The following RAB20 variants were observed in gnomAD, a reference collection of about 807,000 sequenced individuals.
The protein encoded by RAB20 is RAB20, member RAS oncogene family, also known as ras-related protein Rab-20.
RAB20 carries 2 observed loss-of-function variants against 3.7 expected under a neutral mutation model. The ratio of observed to expected loss-of-function variants is 0.54; its 90% CI spans 0.22 to 1.69. The LOEUF (loss-of-function observed/expected upper bound fraction) is 1.69, where lower values mean the gene tolerates loss of function less well. Among genes scored for constraint, RAB20 ranks in the 40% most tolerant of loss-of-function variants. The pLI, the probability that RAB20 is intolerant of heterozygous loss-of-function variation, is 0.19. For missense variants in RAB20, 276 were observed against 311.9 expected, an observed-to-expected ratio of 0.88 and a Z score of 0.87; for synonymous variants, 126 against 130.8, an observed-to-expected ratio of 0.96 and a Z score of 0.25.
At chr13:110,553,763 C>T (rs757556758) in intron 1 of RAB20, among the ~76,000 whole-genome samples, 4 of 152,216 alleles carry the variant, frequency 2.6e-5, no homozygotes, top group Admixed American at 6.5e-5. Flanking sequence ...AAAAACCACT[C>T]AGAAGCCTCT....
Position 110,561,539 on chromosome 13 carries a change from G to T in RAB20, c.-20C>A, listed in dbSNP as rs1243986466. 7 of 1,537,256 alleles carry T rather than the reference G, an allele frequency of 4.6e-6. 1 individual carries two copies. The South Asian group carries it at 8.6e-5, about 19-fold the overall frequency. On this transcript the variant is annotated 5_prime_UTR_variant, in exon 1 of 2. It adds an upstream start codon to the 5' untranslated region. Transcript: ENST00000267328. ...CCTCATCTTCCCGTAAGAACCCCCA[G>T]CGCCCCCGCGCCCTCTCCCCGAGGC... is the stretch of plus-strand genomic sequence containing the variant.
rs185112104 is a variant in RAB20 at position 110,534,996 on chromosome 13, G to C, written c.173-10799C>G. 2.5e-3 allele frequency among the ~76,000 whole-genome samples: 327 copies of C among 130,796 alleles called. 2 individuals carry two copies. Among genetic ancestry groups the C allele is most frequent in the African/African-American group, 9.4e-3 (309 of 32,790 alleles). The allele number at this position is 130,796 out of a possible 152,430, so 85.8% of individuals were successfully genotyped here. On this transcript the variant is annotated intron_variant, in intron 1 of 1. Coordinates refer to ENST00000267328, the MANE Select transcript of RAB20 (RefSeq NM_017817.3). ...CTACAGGTGTGTACCACCACGCCTGGCTAATTTTTTAATTTTTAGTAGAGA... is the reference window on the plus strand; with the variant it reads ...CTACAGGTGTGTACCACCACGCCTGCCTAATTTTTTAATTTTTAGTAGAGA...
Position 110,561,502 on chromosome 13 carries a change from G to T in RAB20, c.18C>A (p.Ser6Arg). The change falls in exon 1 of 2, where the codon AGC (serine) becomes AGA (arginine). Residue 6 changes from serine (S) to arginine (R), a missense_variant. Physicochemically the swap from Ser to Arg is moderately radical, Grantham distance 110. Transcript: ENST00000267328. MRKPD[S>R]KIVLLGDMNV... Reference sequence around the variant, plus strand: ...TCATGTCCCCCAGGAGCACGATCTTGCTGTCGGGCTTCCTCATCTTCCCGT... The same window carrying T: ...TCATGTCCCCCAGGAGCACGATCTTTCTGTCGGGCTTCCTCATCTTCCCGT... 1.3e-6 allele frequency: 2 copies of T among 1,583,718 alleles called. No homozygotes were observed. Among genetic ancestry groups the T allele is most frequent in the Non-Finnish European group, 1.7e-6 (2 of 1,165,392 alleles).
intron 1 of RAB20, among the ~76,000 whole-genome samples, chr13:110,537,152 T>C (rs1884661080): frequency 6.7e-6 from 1 of 149,620 alleles, no homozygotes; most frequent in African/African-American, 2.4e-5. Context: ...GGGTAATTTT[T>C]ATTTTTATTT....
intron 1 of RAB20, among the ~76,000 whole-genome samples, chr13:110,536,713 C>CAT (rs1555335600): frequency 7.4e-5 from 2 of 27,072 alleles, no homozygotes; most frequent in African/African-American, 1.5e-4. Flanking sequence ...TCTAAAATGG[C>CAT]TTTTTTTTGG....
intron 1 of RAB20, among the ~76,000 whole-genome samples, chr13:110,549,808 C>T (rs1884919920): frequency 6.6e-6 from 1 of 152,024 alleles, no homozygotes; most frequent in African/African-American, 2.4e-5. Flanking sequence ...GCAACCTCTG[C>T]CGCCTCCTGG....
intron 1 of RAB20, among the ~76,000 whole-genome samples, chr13:110,542,176 T>C (rs191226246): frequency 3.3e-4 from 50 of 152,360 alleles, no homozygotes; most frequent in Non-Finnish European, 6.8e-4. Context: ...CTGTATTTTA[T>C]TCTCAGCTTT....
chr13:110,536,712 G>T (rs1472963348), intron 1 of RAB20, among the ~76,000 whole-genome samples: 1 of 25,108 alleles, frequency 4.0e-5, no homozygotes, highest in African/African-American at 2.0e-4. Context: ...ATCTAAAATG[G>T]CTTTTTTTTG....
In RAB20 at chr13:110,523,788, A is replaced by C; in HGVS notation, c.582T>G (p.Phe194Leu). The change falls in exon 2 of 2, where the codon TTT becomes TTG. Residue 194 changes from phenylalanine to leucine, a missense_variant. Physicochemically the swap from Phe to Leu is conservative, Grantham distance 22 (BLOSUM62 0). Coordinates refer to ENST00000267328, the MANE Select transcript of RAB20 (RefSeq NM_017817.3). ...AKTGYNVDLL[F>L]ETLFDLVVPM... is the part of the protein sequence containing the mutation. Reference sequence around the variant, plus strand: ...GCACCACCAGGTCAAAGAGGGTCTCAAACAGGAGGTCCACATTGTAGCCGG... The same window carrying C: ...GCACCACCAGGTCAAAGAGGGTCTCCAACAGGAGGTCCACATTGTAGCCGG... The C allele has an allele frequency of 6.2e-7, 1 of 1,614,214 alleles. No homozygotes were observed. Among genetic ancestry groups the C allele is most frequent in the Non-Finnish European group, 8.5e-7 (1 of 1,180,048 alleles).
intron 1 of RAB20, among the ~76,000 whole-genome samples, chr13:110,524,572 A>T (rs1884395457): frequency 6.6e-6 from 1 of 152,162 alleles, no homozygotes. Context: ...AAAAGCAGCG[A>T]CTGCCAAGGC....
At chr13:110,560,763 A>C (rs769503753) in intron 1 of RAB20, among the ~76,000 whole-genome samples, 1 of 141,882 alleles carries the variant, frequency 7.0e-6, no homozygotes, top group African/African-American at 3.2e-5. Context: ...TTCCACCGGA[A>C]GTCACTCCAA....
At chr13:110,552,475 CA>C (rs1884969782) in intron 1 of RAB20, among the ~76,000 whole-genome samples, 1 of 151,722 alleles carries the variant, frequency 6.6e-6, no homozygotes, top group Admixed American at 6.6e-5. Flanking sequence ...GGGTGGATCA[CA>C]AGGTCAGGAG....
chr13:110,536,721 T>TTGGGG (rs1164445964), intron 1 of RAB20, among the ~76,000 whole-genome samples: 1 of 7,456 alleles, frequency 1.3e-4, no homozygotes, highest in Non-Finnish European at 2.2e-4. Flanking sequence ...GGCTTTTTTT[T>TTGGGG]GGGGCGGTGG....
At chr13:110,529,433 C>G (rs773811766) in intron 1 of RAB20, among the ~76,000 whole-genome samples, 1 of 152,182 alleles carries the variant, frequency 6.6e-6, no homozygotes, top group African/African-American at 2.4e-5. Flanking sequence ...CCTTCTCCCC[C>G]AGACCGGAGT....
chr13:110,524,636 C>A (rs1405087543), intron 1 of RAB20, among the ~76,000 whole-genome samples: 1 of 152,210 alleles, frequency 6.6e-6, no homozygotes, highest in African/African-American at 2.4e-5. Flanking sequence ...GCAAAGTGTG[C>A]CCATGTCCCT....
At chr13:110,527,769 G>C (rs1330144329) in intron 1 of RAB20, among the ~76,000 whole-genome samples, 1 of 152,114 alleles carries the variant, frequency 6.6e-6, no homozygotes, top group Admixed American at 6.5e-5. Context: ...AGAAGATGAT[G>C]ATCAAAAGCC....
Position 110,523,506 on chromosome 13 carries a change from T to A in RAB20, c.*159A>T. ...ACTGAGGAGACCACACACGTTGACC[T>A]CCTCTTCATAGCCAGCCATCATTTC... On this transcript the variant is annotated 3_prime_UTR_variant, in exon 2 of 2. Coordinates refer to ENST00000267328, the MANE Select transcript of RAB20 (RefSeq NM_017817.3). 7.5e-7 allele frequency: 1 copy of A among 1,336,622 alleles called. No homozygotes were observed. The highest frequency in any genetic ancestry group is 1.0e-6 in the Non-Finnish European group (1 of 1,004,634). 82.8% of individuals were successfully genotyped at this position (1,336,622 alleles called of 1,614,324 possible). A position where few individuals can be genotyped will look rare whatever the true frequency, so the allele number is the denominator to read the frequency against.
At chr13:110,537,323 T>C (rs1461780194) in intron 1 of RAB20, among the ~76,000 whole-genome samples, 1 of 151,954 alleles carries the variant, frequency 6.6e-6, no homozygotes, top group East Asian at 1.9e-4. Flanking sequence ...TTACTGTTTT[T>C]ACATCAACCT....
At chr13:110,526,659 T>C (rs545475462) in intron 1 of RAB20, among the ~76,000 whole-genome samples, 1 of 152,174 alleles carries the variant, frequency 6.6e-6, no homozygotes, top group East Asian at 1.9e-4. Flanking sequence ...TACCTGAAAT[T>C]TACCATTTCC....
Sources: gnomAD v4.1 joint callset for allele counts (sites outside exome capture counted in the v4.1 genomes callset) on GRCh38, gnomAD v4.1.1 for gene constraint, MANE v1.5 for transcripts, NCBI Gene and HGNC (gene_info 2026-07-23, HGNC 2026-07-21) for gene names.